Variants in ITPR2 observed in about 807,000 individuals in gnomAD.
The protein encoded by ITPR2 is inositol 1,4,5-trisphosphate receptor type 2.
A neutral mutation model predicts 317.1 loss-of-function variants in ITPR2; 207 were observed. The ratio of observed to expected loss-of-function variants is 0.65; its 90% CI spans 0.58 to 0.73. The LOEUF (loss-of-function observed/expected upper bound fraction) is 0.73. Among genes scored for constraint, ITPR2 ranks in the 30% least tolerant of loss-of-function variants. ITPR2 has a pLI of 0.00. For missense variants in ITPR2, 2,613 were observed against 3,284.0 expected (o/e 0.80, Z 4.99); for synonymous variants, 1,156 against 1,149.1 (o/e 1.01, Z -0.12).
chr12:26,580,541 GA>G (rs2137074962), intron 32 of ITPR2, among the ~76,000 whole-genome samples: 1 of 152,268 alleles, frequency 6.6e-6, no homozygotes, highest in Non-Finnish European at 1.5e-5. Context: ...TAAGAAAGGT[GA>G]TTAATGGTAG....
At chr12:26,344,366 C>T (rs1451332205) in intron 55 of ITPR2, among the ~76,000 whole-genome samples, 3 of 152,124 alleles carry the variant, frequency 2.0e-5, no homozygotes, top group African/African-American at 7.2e-5. Flanking sequence ...GCATCACAGA[C>T]TGGGCTTGGG....
intron 2 of ITPR2, among the ~76,000 whole-genome samples, chr12:26,737,489 G>A (rs1296374416): frequency 1.3e-5 from 2 of 152,168 alleles, no homozygotes; most frequent in East Asian, 1.9e-4. Flanking sequence ...TCCTGACCTC[G>A]TGATCTGCCC....
chr12:26,590,153 TC>T (rs1945663785), intron 32 of ITPR2, among the ~76,000 whole-genome samples: 3 of 152,012 alleles, frequency 2.0e-5, no homozygotes, highest in Non-Finnish European at 4.4e-5. Flanking sequence ...ACAGCAGCCC[TC>T]CCACTCTATA....
chr12:26,819,175 A>T (rs556996555), intron 1 of ITPR2, among the ~76,000 whole-genome samples: 1 of 152,272 alleles, frequency 6.6e-6, no homozygotes, highest in Admixed American at 6.5e-5. Flanking sequence ...TTCTCACTTT[A>T]TTTCTCTGTC....
At chr12:26,479,203 G>A (rs1198723175) in intron 43 of ITPR2, among the ~76,000 whole-genome samples, 2 of 149,234 alleles carry the variant, frequency 1.3e-5, no homozygotes, top group Non-Finnish European at 3.0e-5. Context: ...TTGGTATTTT[G>A]ACTTATTCAA....
At chr12:26,498,776 G>C (rs919163603) in intron 37 of ITPR2, among the ~76,000 whole-genome samples, 1 of 152,144 alleles carries the variant, frequency 6.6e-6, no homozygotes, top group African/African-American at 2.4e-5. Flanking sequence ...ATTGTGAAGA[G>C]GACTGAACCC....
chr12:26,605,126 A>AAAAAAAAT (rs1555165395), intron 26 of ITPR2, among the ~76,000 whole-genome samples: 2 of 136,308 alleles, frequency 1.5e-5, no homozygotes, highest in Non-Finnish European at 3.2e-5. Flanking sequence ...AAAAAATAAA[A>AAAAAAAAT]ATATATATAT....
At chr12:26,568,190 A>C (rs1945065152) in intron 34 of ITPR2, among the ~76,000 whole-genome samples, 1 of 150,960 alleles carries the variant, frequency 6.6e-6, no homozygotes, top group Non-Finnish European at 1.5e-5. Flanking sequence ...ACAAAGGGTC[A>C]CTTTAAAGTT....
intron 37 of ITPR2, among the ~76,000 whole-genome samples, chr12:26,538,119 C>T (rs1025830547): frequency 6.6e-6 from 1 of 152,180 alleles, no homozygotes; most frequent in Non-Finnish European, 1.5e-5. Context: ...TGATTGGAAA[C>T]ATGGGCTCTA....
chr12:26,559,869 C>G (rs1050407831), intron 35 of ITPR2, among the ~76,000 whole-genome samples: 2 of 152,200 alleles, frequency 1.3e-5, no homozygotes, highest in African/African-American at 2.4e-5. Context: ...AACTGTTACT[C>G]TGGCAGAGAG....
intron 9 of ITPR2, among the ~76,000 whole-genome samples, chr12:26,705,129 T>C (rs1271495779): frequency 1.3e-5 from 2 of 152,258 alleles, no homozygotes; most frequent in East Asian, 1.9e-4. Flanking sequence ...AATCATCTAA[T>C]AGGGCTCTTA....
At chr12:26,703,711 T>C (rs527472507) in intron 9 of ITPR2, among the ~76,000 whole-genome samples, 50 of 152,334 alleles carry the variant, frequency 3.3e-4, no homozygotes, top group South Asian at 1.7e-3. Flanking sequence ...CCTGGATTTC[T>C]TTTTCTGTAA....
chr12:26,437,562 TG>T (rs1412976888), intron 47 of ITPR2, among the ~76,000 whole-genome samples: 1 of 152,226 alleles, frequency 6.6e-6, no homozygotes, highest in Non-Finnish European at 1.5e-5. Context: ...TGCATGTATT[TG>T]TAATAACAAA....
chr12:26,352,508 C>T (rs1938513773), intron 55 of ITPR2, among the ~76,000 whole-genome samples: 1 of 152,194 alleles, frequency 6.6e-6, no homozygotes, highest in Non-Finnish European at 1.5e-5. Context: ...TAACGAGAGT[C>T]AGTTGCTGTT....
rs1040750430 is a variant in ITPR2 at position 26,486,685 on chromosome 12, T to C, written c.5555-325A>G. The C allele has an allele frequency of 5.2e-5, 27 of 523,794 alleles. No individual in the cohort carries two copies. In the Admixed American group the frequency reaches 6.0e-4, roughly 12 times the overall value. 32.4% of individuals were successfully genotyped at this position (523,794 alleles called of 1,614,324 possible). Reference sequence around the variant, plus strand: ...TCAAAATGTTAATGTCTTTATGATTTGTATTTAATACATGGATGATTTTGT... The same window carrying C: ...TCAAAATGTTAATGTCTTTATGATTCGTATTTAATACATGGATGATTTTGT... On this transcript the variant is annotated intron_variant, in intron 40 of 56. Coordinates refer to ENST00000381340, the MANE Select transcript of ITPR2 (RefSeq NM_002223.4).
chr12:26,569,272 T>C (rs1945091164), intron 34 of ITPR2, among the ~76,000 whole-genome samples: 1 of 151,856 alleles, frequency 6.6e-6, no homozygotes, highest in African/African-American at 2.4e-5. Flanking sequence ...AAAAAAAATA[T>C]GGTGGGCACG....
chr12:26,817,991 T>A (rs1475049651), intron 1 of ITPR2, among the ~76,000 whole-genome samples: 2 of 152,220 alleles, frequency 1.3e-5, no homozygotes, highest in East Asian at 3.8e-4. Flanking sequence ...CAAACTCAAT[T>A]ACTTCTATTA....
intron 2 of ITPR2, among the ~76,000 whole-genome samples, chr12:26,730,263 T>C (rs1260390601): frequency 6.6e-6 from 1 of 152,226 alleles, no homozygotes. Context: ...GCAAAACCTT[T>C]GACAAGCCTA....
At chr12:26,816,826 T>C (rs1166632821) in intron 1 of ITPR2, among the ~76,000 whole-genome samples, 2 of 151,608 alleles carry the variant, frequency 1.3e-5, no homozygotes, top group African/African-American at 4.9e-5. Flanking sequence ...GTGAGAGGTG[T>C]GCAGGTAAGA....
Sources: allele counts gnomAD v4.1 joint callset (sites outside exome capture counted in the v4.1 genomes callset), GRCh38; gene constraint gnomAD v4.1.1; transcripts MANE v1.5; gene names NCBI Gene and HGNC (gene_info 2026-07-23, HGNC 2026-07-21).